The following EYS variants were observed in gnomAD, a reference collection of about 807,000 sequenced individuals.
The protein encoded by EYS is protein eyes shut homolog.
EYS carries 250 observed loss-of-function variants against 282.1 expected under a neutral mutation model. The ratio of observed to expected loss-of-function variants is 0.89; its 90% confidence interval spans 0.80 to 0.98. The LOEUF (loss-of-function observed/expected upper bound fraction) is 0.98, where lower values mean the gene tolerates loss of function less well. Ranked by LOEUF, EYS falls within the 50% of genes least tolerant of loss-of-function variation. The pLI is 0.00. For synonymous variants in EYS, 1,355 were observed against 1,282.9 expected (o/e 1.06, Z -1.20); for missense variants, 4,016 against 3,709.0 (o/e 1.08, Z -2.15).
chr6:64,711,957 A>C (rs1431533059), intron 22 of EYS, among the ~76,000 whole-genome samples: 1 of 152,202 alleles, frequency 6.6e-6, no homozygotes, highest in African/African-American at 2.4e-5. Flanking sequence ...AACAATTAGG[A>C]AAGGGTAGGT....
intron 22 of EYS, among the ~76,000 whole-genome samples, chr6:64,712,673 C>G (rs941064382): frequency 7.9e-5 from 12 of 152,166 alleles, no homozygotes; most frequent in Non-Finnish European, 1.6e-4. Context: ...CAAAAACTTG[C>G]AAACCACAAA....
At chr6:64,734,724 G>A (rs1252731911) in intron 22 of EYS, among the ~76,000 whole-genome samples, 2 of 152,122 alleles carry the variant, frequency 1.3e-5, no homozygotes, top group African/African-American at 4.8e-5. Context: ...GTGTCCACAT[G>A]GGGAAGAGTA....
intron 36 of EYS, among the ~76,000 whole-genome samples, chr6:63,809,042 C>A (rs1770974190): frequency 1.3e-5 from 2 of 152,134 alleles, no homozygotes; most frequent in Non-Finnish European, 2.9e-5. Context: ...TTAAGTTCTT[C>A]CTCTAAACCG....
intron 31 of EYS, among the ~76,000 whole-genome samples, chr6:64,174,465 A>G (rs1419180245): frequency 6.6e-6 from 1 of 151,856 alleles, no homozygotes; most frequent in Non-Finnish European, 1.5e-5. Context: ...TCTTTTTATC[A>G]TCACCAAAGA....
chr6:64,919,394 T>C (rs1044493015), intron 15 of EYS, among the ~76,000 whole-genome samples: 17 of 145,196 alleles, frequency 1.2e-4, no homozygotes, highest in African/African-American at 2.3e-4. Flanking sequence ...GGGCAAACCT[T>C]CCTTTTTTAT....
chr6:64,997,561 A>C (rs1225467010), intron 14 of EYS, 21 bp downstream of exon 14: 1 of 1,548,810 alleles, frequency 6.5e-7, no homozygotes, highest in Non-Finnish European at 8.7e-7. Context: ...TTAGGTATAT[A>C]AAAAGCCAGT....
chr6:65,285,279 T>A (rs544340614), intron 12 of EYS, among the ~76,000 whole-genome samples: 1 of 152,170 alleles, frequency 6.6e-6, no homozygotes, highest in African/African-American at 2.4e-5. Context: ...ATGAATAATT[T>A]GCATTTTTTT....
intron 8 of EYS, among the ~76,000 whole-genome samples, chr6:65,363,537 T>C (rs553218836): frequency 1.3e-5 from 2 of 152,028 alleles, no homozygotes; most frequent in East Asian, 1.9e-4. Flanking sequence ...TTGTTTTTCA[T>C]GGCGTAGACA....
chr6:64,840,368 G>C (rs992669528), intron 19 of EYS, among the ~76,000 whole-genome samples: 4 of 152,030 alleles, frequency 2.6e-5, no homozygotes, highest in Non-Finnish European at 2.9e-5. Context: ...TGATTTCTGA[G>C]TGCTCTGCAG....
chr6:64,009,705 C>T lies in EYS; in HGVS notation c.6726-10522G>A, dbSNP rs1341266743. ...AATCTTGATGATCTTTGTTCCTATC[C>T]GTATTCTGAATTCAATTTTGTCATT... is the stretch of plus-strand genomic sequence containing the variant. On this transcript the variant is annotated intron_variant, in intron 33 of 42. Transcript: ENST00000503581. Among the ~76,000 whole-genome samples the T allele has an allele frequency of 2.6e-5, 4 of 152,082 alleles. No homozygotes were observed. In the East Asian group the frequency reaches 5.8e-4, roughly 22 times the overall value.
chr6:65,428,786 G>A (rs896099666), intron 5 of EYS, among the ~76,000 whole-genome samples: 1 of 152,074 alleles, frequency 6.6e-6, no homozygotes, highest in African/African-American at 2.4e-5. Flanking sequence ...TCAAATTGCA[G>A]TAAAACTATC....
At chr6:64,126,753 C>T (rs1773799449) in intron 31 of EYS, among the ~76,000 whole-genome samples, 1 of 151,826 alleles carries the variant, frequency 6.6e-6, no homozygotes, top group Admixed American at 6.6e-5. Context: ...ATTTCTAAAT[C>T]CCAGAAACAA....
chr6:65,264,040 A>G (rs1312573886), intron 12 of EYS, among the ~76,000 whole-genome samples: 1 of 152,108 alleles, frequency 6.6e-6, no homozygotes, highest in Non-Finnish European at 1.5e-5. Flanking sequence ...TAGGCAAATT[A>G]GACATTTAAA....
chr6:64,629,876 C>T (rs1767724635), intron 22 of EYS, among the ~76,000 whole-genome samples: 1 of 152,122 alleles, frequency 6.6e-6, no homozygotes, highest in Admixed American at 6.6e-5. Flanking sequence ...GTTCAATCTA[C>T]ATACCTTTTA....
chr6:65,524,083 G>T (rs1294172372), intron 2 of EYS, among the ~76,000 whole-genome samples: 1 of 152,128 alleles, frequency 6.6e-6, no homozygotes, highest in Non-Finnish European at 1.5e-5. Flanking sequence ...TGTTGGCCAG[G>T]CTGGTCTCAA....
intron 22 of EYS, among the ~76,000 whole-genome samples, chr6:64,720,086 A>G (rs1053368214): frequency 6.6e-6 from 1 of 152,200 alleles, no homozygotes; most frequent in Non-Finnish European, 1.5e-5. Context: ...TCTCACTGGT[A>G]TAAAGTCAAT....
intron 2 of EYS, among the ~76,000 whole-genome samples, chr6:65,529,217 A>T (rs555352063): frequency 6.6e-6 from 1 of 152,260 alleles, no homozygotes; most frequent in East Asian, 1.9e-4. Flanking sequence ...GGAGTGACAC[A>T]TTTTAAGCTT....
chr6:64,102,030 T>C (rs546687170), intron 31 of EYS, among the ~76,000 whole-genome samples: 3 of 152,136 alleles, frequency 2.0e-5, no homozygotes, highest in Admixed American at 2.0e-4. Context: ...GGAGTGGCTG[T>C]AAGTACAGAG....
At chr6:64,231,165 A>T (rs369654941) in intron 30 of EYS, among the ~76,000 whole-genome samples, 7 of 152,270 alleles carry the variant, frequency 4.6e-5, no homozygotes, top group African/African-American at 1.7e-4. Flanking sequence ...TTACATCTTC[A>T]TGCTAAGATT....
Sources: allele counts gnomAD v4.1 joint callset (sites outside exome capture counted in the v4.1 genomes callset), GRCh38; gene constraint gnomAD v4.1.1; transcripts MANE v1.5; gene names NCBI Gene and HGNC (gene_info 2026-07-23, HGNC 2026-07-21).